Variants in EGF observed in about 807,000 individuals in gnomAD.
EGF encodes epidermal growth factor.
A neutral mutation model predicts 143.8 loss-of-function variants in EGF; 95 were observed. The ratio of observed to expected loss-of-function variants is 0.66; its 90% confidence interval spans 0.56 to 0.78. The LOEUF (loss-of-function observed/expected upper bound fraction) is 0.78, where lower values mean the gene tolerates loss of function less well. Ranked by LOEUF, EGF falls within the 30% of genes least tolerant of loss-of-function variation. The probability of loss-of-function intolerance (pLI) is 0.00; values close to 1 mark genes in which losing one functional copy is unlikely to be tolerated. For missense variants in EGF, 1,320 were observed against 1,470.9 expected, an observed-to-expected ratio of 0.90 and a Z score of 1.68; for synonymous variants, 510 against 510.5, an observed-to-expected ratio of 1.00 and a Z score of 0.01.
chr4:109,949,085 G>A (rs1169156988), intron 5 of EGF, among the ~76,000 whole-genome samples: 1 of 149,770 alleles, frequency 6.7e-6, no homozygotes, highest in Non-Finnish European at 1.5e-5. Context: ...CTTTTTTTTT[G>A]AGATGGAGTC....
intron 11 of EGF, among the ~76,000 whole-genome samples, chr4:109,972,108 G>A (rs1188651891): frequency 1.3e-5 from 2 of 152,020 alleles, no homozygotes; most frequent in Non-Finnish European, 2.9e-5. Context: ...AGGAGGGTGA[G>A]TTTTTCTCTT....
intron 5 of EGF, 111 bp downstream of exon 5, chr4:109,945,386 C>A (rs959003231): frequency 5.7e-5 from 53 of 926,152 alleles, no homozygotes; most frequent in Non-Finnish European, 7.4e-5. Flanking sequence ...TTCTTCAACC[C>A]TCATATATTC....
chr4:109,968,917 T>C, intron 10 of EGF, 54 bp from the exon 11 acceptor site: 1 of 1,611,330 alleles, frequency 6.2e-7, no homozygotes, highest in Non-Finnish European at 8.5e-7. Flanking sequence ...CATTTGTATA[T>C]ATTCCACATT....
intron 13 of EGF, 48 bp downstream of exon 13, chr4:109,976,283 G>C: frequency 6.7e-7 from 1 of 1,501,500 alleles, no homozygotes; most frequent in East Asian, 2.3e-5. Context: ...GAGTGTTTAT[G>C]AGTGTTAAAT....
chr4:109,980,283 T>C, intron 14 of EGF, 144 bp downstream of exon 14: 1 of 873,466 alleles, frequency 1.1e-6, no homozygotes, highest in Non-Finnish European at 1.7e-6. Flanking sequence ...TTCTAAGATT[T>C]AAGTTTGTTT....
chr4:109,930,300 T>C (rs1560639901), intron 1 of EGF, among the ~76,000 whole-genome samples: 2 of 152,214 alleles, frequency 1.3e-5, no homozygotes. Context: ...TAAAACGTTC[T>C]GTACTTCATA....
At chr4:109,948,531 C>T (rs1304435615) in intron 5 of EGF, among the ~76,000 whole-genome samples, 3 of 152,086 alleles carry the variant, frequency 2.0e-5, no homozygotes, top group African/African-American at 7.2e-5. Context: ...GTTGCCCAGG[C>T]TGGAGTGCAA....
At chr4:109,935,475 G>A (rs139040992) in intron 1 of EGF, among the ~76,000 whole-genome samples, 4,738 of 152,120 alleles carry the variant, frequency 0.031, 283 homozygotes, top group East Asian at 0.23. Flanking sequence ...GGGTTTTCTA[G>A]GTATACAATC....
rs1753790050 is a variant in EGF at position 110,009,920 on chromosome 4, A to G, written c.3371-1282A>G. Among the ~76,000 whole-genome samples, 2 of 152,196 alleles carry G rather than the reference A, an allele frequency of 1.3e-5. 1 individual carries two copies. The highest frequency in any genetic ancestry group is 2.9e-5 in the Non-Finnish European group (2 of 68,036). ...AGGGGCAGCTGACTATGCCAGGGGA[A>G]AAGAAAAGAAATACACCTAAAATCT... On this transcript the variant is annotated intron_variant, in intron 23 of 23. Coordinates refer to ENST00000265171, the MANE Select transcript of EGF (RefSeq NM_001963.6).
intron 5 of EGF, among the ~76,000 whole-genome samples, chr4:109,949,575 C>T (rs942946987): frequency 3.3e-5 from 5 of 151,272 alleles, no homozygotes; most frequent in African/African-American, 1.2e-4. Flanking sequence ...TCCTATGCAG[C>T]AGCCCACAGG....
chr4:109,978,236 A>G (rs1320670084), intron 13 of EGF, among the ~76,000 whole-genome samples: 1 of 152,230 alleles, frequency 6.6e-6, no homozygotes, highest in African/African-American at 2.4e-5. Flanking sequence ...CACAATGTAT[A>G]TATATTTTAA....
intron 1 of EGF, among the ~76,000 whole-genome samples, chr4:109,936,820 G>T (rs1472062003): frequency 6.6e-6 from 1 of 152,168 alleles, no homozygotes; most frequent in Non-Finnish European, 1.5e-5. Context: ...TCAGGAGAAG[G>T]TTGCTCAGTT....
intron 5 of EGF, among the ~76,000 whole-genome samples, chr4:109,954,422 T>A (rs1446258666): frequency 2.6e-5 from 4 of 152,208 alleles, no homozygotes; most frequent in African/African-American, 9.6e-5. Flanking sequence ...AGGGTACAGA[T>A]GGATATGATA....
chr4:110,011,122 A>C, intron 23 of EGF, 80 bp from the exon 24 acceptor site: 15 of 1,536,704 alleles, frequency 9.8e-6, no homozygotes, highest in Non-Finnish European at 1.3e-5. Context: ...CCAGTTCTTC[A>C]ACCACTACCG....
chr4:109,992,351 A>G (rs1272495425), intron 18 of EGF: 1 of 152,150 alleles, frequency 6.6e-6, no homozygotes, highest in Non-Finnish European at 1.5e-5. Flanking sequence ...CACATATACT[A>G]AAATTGGAAT....
chr4:110,008,412 T>A (rs1560777378), intron 23 of EGF, among the ~76,000 whole-genome samples, 182 bp downstream of exon 23: 1 of 152,186 alleles, frequency 6.6e-6, no homozygotes, highest in Non-Finnish European at 1.5e-5. Context: ...TGGAGTTCTA[T>A]CTTATATGAG....
intron 21 of EGF, 90 bp from the exon 22 acceptor site, chr4:110,004,415 C>G: frequency 9.3e-7 from 1 of 1,072,006 alleles, no homozygotes; most frequent in Non-Finnish European, 1.4e-6. Flanking sequence ...ATTTTAGTAG[C>G]AAAAGCAGTT....
chr4:110,005,827 G>A (rs1753204406), intron 22 of EGF, among the ~76,000 whole-genome samples: 2 of 152,180 alleles, frequency 1.3e-5, no homozygotes, highest in African/African-American at 2.4e-5. Flanking sequence ...TTAGGGAAGA[G>A]CTATTACAGA....
rs373390343 is a variant in EGF, at chr4:109,993,219, C to G, written c.2735-28C>G. The G allele has an allele frequency of 1.7e-5, 27 of 1,612,690 alleles. No homozygotes were observed. In the Admixed American group the frequency reaches 3.2e-4, roughly 19 times the overall value. Reference sequence around the variant, plus strand: ...CCCTCTTTTTCTGTACCCCACTTTTCTCTCCCGTACTCTGTCTTTTCTGAC... The same window carrying G: ...CCCTCTTTTTCTGTACCCCACTTTTGTCTCCCGTACTCTGTCTTTTCTGAC... On this transcript the variant is annotated intron_variant, in intron 18 of 23. Transcript: ENST00000265171.
Sources: allele counts gnomAD v4.1 joint callset (sites outside exome capture counted in the v4.1 genomes callset), GRCh38; gene constraint gnomAD v4.1.1; transcripts MANE v1.5; gene names NCBI Gene and HGNC (gene_info 2026-07-23, HGNC 2026-07-21).